The following ERBB4 variants were observed in gnomAD, a reference collection of about 807,000 sequenced individuals.
ERBB4 encodes erb-b2 receptor tyrosine kinase 4.
In ERBB4, 42 loss-of-function variants were observed where a neutral mutation model predicts 158.0. The observed-to-expected ratio is 0.27, with a 90% CI of 0.21 to 0.34. ERBB4 has a LOEUF of 0.34. Among genes scored for constraint, ERBB4 ranks in the 10% least tolerant of loss-of-function variants. The probability of loss-of-function intolerance (pLI) is 1.00; values close to 1 mark genes in which losing one functional copy is unlikely to be tolerated. For synonymous variants in ERBB4, 583 were observed against 558.7 expected, an observed-to-expected ratio of 1.04 and a Z score of -0.61; for missense variants, 1,333 against 1,624.1, an observed-to-expected ratio of 0.82 and a Z score of 3.08.
At chr2:212,479,696 C>A (rs1207842019) in intron 1 of ERBB4, among the ~76,000 whole-genome samples, 1 of 152,034 alleles carries the variant, frequency 6.6e-6, no homozygotes, top group Non-Finnish European at 1.5e-5. Flanking sequence ...GTCTGGTTGC[C>A]CTACATGTAA....
intron 1 of ERBB4, among the ~76,000 whole-genome samples, chr2:212,515,772 C>G (rs913407856): frequency 2.0e-5 from 3 of 151,912 alleles, no homozygotes; most frequent in African/African-American, 7.2e-5. Context: ...AAACTTTCTT[C>G]AGGGTAATGA....
rs115438591 is a variant in ERBB4 at position 212,190,154 on chromosome 2, A to T, written c.83-65251T>A. ...GAACTAGAAAAATTTTCAAATTTCA[A>T]ATTAGATTATCTTTGTTATACTGAG... On this transcript the variant is annotated intron_variant, in intron 1 of 27. Transcript: ENST00000342788. 6.4e-3 allele frequency among the ~76,000 whole-genome samples: 980 copies of T among 152,334 alleles called. 11 individuals are homozygous for T. The highest frequency in any genetic ancestry group is 0.022 in the African/African-American group (933 of 41,578).
chr2:212,443,959 T>C (rs549876003), intron 1 of ERBB4, among the ~76,000 whole-genome samples: 2 of 152,228 alleles, frequency 1.3e-5, no homozygotes, highest in East Asian at 3.9e-4. Flanking sequence ...TTCTGACCCA[T>C]CAAGCCATAA....
chr2:212,131,995 T>C (rs1216244548), intron 1 of ERBB4, among the ~76,000 whole-genome samples: 1 of 152,210 alleles, frequency 6.6e-6, no homozygotes, highest in Non-Finnish European at 1.5e-5. Flanking sequence ...TATTATGTTA[T>C]GAATACATTT....
At chr2:211,753,898 C>T (rs2075213074) in intron 4 of ERBB4, among the ~76,000 whole-genome samples, 1 of 143,630 alleles carries the variant, frequency 7.0e-6, no homozygotes, top group South Asian at 2.2e-4. Flanking sequence ...CGCTCTGTCG[C>T]CCAGGCTGGA....
chr2:211,628,124 T>C (rs2069932515), intron 17 of ERBB4, among the ~76,000 whole-genome samples: 1 of 151,942 alleles, frequency 6.6e-6, no homozygotes, highest in Non-Finnish European at 1.5e-5. Flanking sequence ...AAAGACTCTC[T>C]CTCTTTCTAA....
At chr2:211,925,376 C>CTTTTTT (rs71054150) in intron 3 of ERBB4, among the ~76,000 whole-genome samples, 63 of 81,574 alleles carry the variant, frequency 7.7e-4, no homozygotes, top group Non-Finnish European at 8.6e-4. Context: ...AACAAGACTG[C>CTTTTTT]TTTTTTTTTT....
intron 1 of ERBB4, among the ~76,000 whole-genome samples, chr2:212,328,667 AT>A (rs1461858532): frequency 6.6e-6 from 1 of 152,032 alleles, no homozygotes; most frequent in Non-Finnish European, 1.5e-5. Flanking sequence ...GCTAGGAGGA[AT>A]TTGTGGGGAA....
intron 1 of ERBB4, among the ~76,000 whole-genome samples, chr2:212,274,660 G>A (rs1045869158): frequency 3.3e-5 from 5 of 151,712 alleles, no homozygotes; most frequent in African/African-American, 1.2e-4. Context: ...CTGTGCATAA[G>A]TTTTAATAAA....
chr2:212,500,331 C>T (rs1345771659), intron 1 of ERBB4, among the ~76,000 whole-genome samples: 2 of 152,100 alleles, frequency 1.3e-5, no homozygotes, highest in African/African-American at 2.4e-5. Context: ...ACAAAACCCA[C>T]TCCAGATAAT....
chr2:212,003,216 G>GAAAGAAAGAAAGAAAGAAAGAAAAA (rs1491317567), intron 2 of ERBB4, among the ~76,000 whole-genome samples: 1 of 34,474 alleles, frequency 2.9e-5, no homozygotes, highest in African/African-American at 1.1e-4. Flanking sequence ...ACAGAAAGAA[G>GAAAGAAAGAAAGAAAGAAAGAAAAA]GAAGGAAGGA....
chr2:212,392,658 G>A (rs1352160107), intron 1 of ERBB4, among the ~76,000 whole-genome samples: 1 of 152,084 alleles, frequency 6.6e-6, no homozygotes, highest in Non-Finnish European at 1.5e-5. Context: ...CAGAGAATGA[G>A]TTCCCGATCA....
At chr2:211,654,509 G>A (rs1260593273) in intron 16 of ERBB4, among the ~76,000 whole-genome samples, 1 of 152,148 alleles carries the variant, frequency 6.6e-6, no homozygotes, top group Non-Finnish European at 1.5e-5. Flanking sequence ...TATCAATCCT[G>A]TAGTCACTAA....
intron 3 of ERBB4, among the ~76,000 whole-genome samples, chr2:211,874,156 A>G (rs2078431892): frequency 6.6e-6 from 1 of 152,116 alleles, no homozygotes; most frequent in African/African-American, 2.4e-5. Context: ...GCAAACAAAC[A>G]AAAACAAAAC....
rs1358721816 is a variant in ERBB4 at position 211,861,135 on chromosome 2, T to A, written c.422-72976A>T. Among the ~76,000 whole-genome samples, 4 of 55,144 alleles carry A rather than the reference T, an allele frequency of 7.3e-5. 1 individual carries two copies. The highest frequency in any genetic ancestry group is 1.3e-4 in the Non-Finnish European group (4 of 30,236). The allele number at this position is 55,144 out of a possible 152,430, so 36.2% of individuals were successfully genotyped here. On this transcript the variant is annotated intron_variant, in intron 3 of 27. Transcript: ENST00000342788. ...TTTATATATATATTTTATATATATA[T>A]ATATATATATATATATATATTAAAA...
chr2:212,321,362 C>T (rs927052363), intron 1 of ERBB4, among the ~76,000 whole-genome samples: 1 of 150,410 alleles, frequency 6.6e-6, no homozygotes, highest in Admixed American at 6.6e-5. Context: ...AAGAGCTTAA[C>T]TTAATTAGAA....
chr2:212,214,259 C>A (rs1239898613), intron 1 of ERBB4, among the ~76,000 whole-genome samples: 2 of 151,744 alleles, frequency 1.3e-5, no homozygotes, highest in Non-Finnish European at 2.9e-5. Flanking sequence ...AATAGAGTGA[C>A]CAACAGGCAC....
At chr2:212,028,080 C>G (rs2076816050) in intron 2 of ERBB4, among the ~76,000 whole-genome samples, 1 of 152,054 alleles carries the variant, frequency 6.6e-6, no homozygotes. Flanking sequence ...AGACAAAACT[C>G]TGGAATTTGT....
chr2:212,015,039 AAAATATATATATAT>A (rs1559320159), intron 2 of ERBB4, among the ~76,000 whole-genome samples: 3 of 14,434 alleles, frequency 2.1e-4, no homozygotes, highest in African/African-American at 4.1e-4. Flanking sequence ...AAAAAAAAAA[AAAATATATATATAT>A]ATATATATAT....
Sources: gnomAD v4.1 joint callset for allele counts (sites outside exome capture counted in the v4.1 genomes callset) on GRCh38, gnomAD v4.1.1 for gene constraint, MANE v1.5 for transcripts, NCBI Gene and HGNC (gene_info 2026-07-23, HGNC 2026-07-21) for gene names.